PIK3AP1: variants seen among roughly 807,000 people sequenced by gnomAD.
PIK3AP1 encodes the protein phosphoinositide-3-kinase adaptor protein 1.
In PIK3AP1, 21 loss-of-function variants were observed where a neutral mutation model predicts 88.1. The ratio of observed to expected loss-of-function variants is 0.24; its 90% CI spans 0.17 to 0.34. PIK3AP1 has a LOEUF of 0.34. PIK3AP1 is among the 10% of genes least tolerant of loss of function. PIK3AP1 has a pLI of 1.00. For synonymous variants in PIK3AP1, 398 were observed against 400.0 expected, an observed-to-expected ratio of 1.00 and a Z score of 0.06; for missense variants, 828 against 1,035.7, an observed-to-expected ratio of 0.80 and a Z score of 2.75.
intron 1 of PIK3AP1, among the ~76,000 whole-genome samples, chr10:96,711,739 A>AATTTTTTTTT (rs1844439120): frequency 1.5e-5 from 1 of 66,426 alleles, no homozygotes; most frequent in African/African-American, 7.0e-5. Context: ...AGATTACCAA[A>AATTTTTTTTT]TTTTTTTTTT....
intron 6 of PIK3AP1, 22 bp downstream of exon 6, chr10:96,651,226 T>C (rs745339786): frequency 1.2e-6 from 2 of 1,614,204 alleles, no homozygotes; most frequent in Admixed American, 3.3e-5. Flanking sequence ...GTTGGTTTCC[T>C]GAGGTTTGAC....
intron 2 of PIK3AP1, among the ~76,000 whole-genome samples, chr10:96,689,467 G>A (rs893460517): frequency 2.6e-5 from 4 of 151,190 alleles, no homozygotes; most frequent in African/African-American, 9.7e-5. Context: ...CTACTCAGGA[G>A]GCCGAGGCAG....
chr10:96,620,272 C>A, intron 12 of PIK3AP1, 80 bp downstream of exon 12: 1 of 1,443,238 alleles, frequency 6.9e-7, no homozygotes, highest in Non-Finnish European at 9.6e-7. Flanking sequence ...CAGCAATACA[C>A]AAGACAGCCA....
In PIK3AP1 at chr10:96,630,778, GC is replaced by G. The variant is rs200998658; in HGVS notation, c.1376-2286del. Among the ~76,000 whole-genome samples the G allele has an allele frequency of 4.0e-3, 614 of 152,138 alleles. 5 individuals are homozygous for G. The highest frequency in any genetic ancestry group is 0.014 in the African/African-American group (589 of 41,490). ...GAATTGCTTGAGCCCAAGAGATCTG[GC>G]TGCAGTGAGTTAGGATCACGCCACC... On this transcript the variant is annotated intron_variant, in intron 8 of 16. Transcript: ENST00000339364.
intron 2 of PIK3AP1, among the ~76,000 whole-genome samples, chr10:96,698,777 T>C (rs542632425): frequency 2.4e-4 from 36 of 151,982 alleles, no homozygotes; most frequent in Non-Finnish European, 5.1e-4. Flanking sequence ...AAAGCAGTGT[T>C]ATACAACATT....
At position 96,672,983 on chromosome 10, in the gene PIK3AP1, A is replaced by G. The variant is rs985451321; in HGVS notation, c.431-16049T>C. Among the ~76,000 whole-genome samples, 5 of 152,380 alleles carry G rather than the reference A, an allele frequency of 3.3e-5. No homozygotes were observed. The East Asian group carries it at 7.7e-4, about 24-fold the overall frequency. ...AGATGGAAAAATAGAGGCATGGGCC[A>G]TGAACTGACCGGCCCTAGTTCATAA... On this transcript the variant is annotated intron_variant, in intron 2 of 16. Coordinates refer to ENST00000339364, the MANE Select transcript of PIK3AP1 (RefSeq NM_152309.3).
At chr10:96,652,142 G>C (rs2134234866) in intron 4 of PIK3AP1, among the ~76,000 whole-genome samples, 1 of 152,122 alleles carries the variant, frequency 6.6e-6, no homozygotes, top group Admixed American at 6.5e-5. Context: ...GGGTTTTGAG[G>C]GGGCAAGAGA....
intron 2 of PIK3AP1, among the ~76,000 whole-genome samples, chr10:96,703,811 T>C (rs556872581): frequency 3.3e-5 from 5 of 152,346 alleles, no homozygotes; most frequent in South Asian, 2.1e-4. Flanking sequence ...AGAAAACTTA[T>C]AATGGTATAT....
At chr10:96,644,635 T>C (rs1399971298) in intron 8 of PIK3AP1, among the ~76,000 whole-genome samples, 1 of 152,198 alleles carries the variant, frequency 6.6e-6, no homozygotes, top group Non-Finnish European at 1.5e-5. Context: ...CAAAGTTTGT[T>C]AGACAGTTTA....
chr10:96,704,918 C>T (rs1395994461), intron 2 of PIK3AP1, among the ~76,000 whole-genome samples: 3 of 152,002 alleles, frequency 2.0e-5, no homozygotes, highest in Non-Finnish European at 4.4e-5. Context: ...ATAAAATAAC[C>T]TCCTCTACTC....
intron 2 of PIK3AP1, among the ~76,000 whole-genome samples, chr10:96,688,641 ATAC>A (rs1253519170): frequency 6.6e-6 from 1 of 152,126 alleles, no homozygotes. Flanking sequence ...TCTACTAAAA[ATAC>A]AAACATTAGC....
intron 13 of PIK3AP1, among the ~76,000 whole-genome samples, chr10:96,610,297 T>C (rs563740620): frequency 1.3e-5 from 2 of 152,300 alleles, no homozygotes; most frequent in East Asian, 1.9e-4. Flanking sequence ...GGCTGCCCTA[T>C]GCACCAAGCA....
chr10:96,628,170 C>T (rs568083135), intron 9 of PIK3AP1, among the ~76,000 whole-genome samples: 1 of 152,206 alleles, frequency 6.6e-6, no homozygotes, highest in African/African-American at 2.4e-5. Flanking sequence ...ACTTGTTTAC[C>T]CAAACAAGTG....
chr10:96,706,289 G>T (rs1327339140), intron 2 of PIK3AP1, among the ~76,000 whole-genome samples: 1 of 152,168 alleles, frequency 6.6e-6, no homozygotes, highest in Non-Finnish European at 1.5e-5. Flanking sequence ...TGGGCAGCTG[G>T]TGTAGTAACG....
intron 8 of PIK3AP1, among the ~76,000 whole-genome samples, chr10:96,636,254 TA>T (rs199591235): frequency 6.6e-6 from 1 of 151,622 alleles, no homozygotes; most frequent in Non-Finnish European, 1.5e-5. Context: ...ATACAAAAAT[TA>T]AAAAAAATTA....
intron 1 of PIK3AP1, among the ~76,000 whole-genome samples, chr10:96,718,595 AG>A (rs1228334461): frequency 6.6e-6 from 1 of 152,210 alleles, no homozygotes; most frequent in African/African-American, 2.4e-5. Flanking sequence ...GCCCATAAAT[AG>A]CCCCAGGTTT....
chr10:96,703,782 G>A (rs1049582143), intron 2 of PIK3AP1, among the ~76,000 whole-genome samples: 4 of 152,128 alleles, frequency 2.6e-5, no homozygotes, highest in South Asian at 2.1e-4. Flanking sequence ...AAAGGTTCTC[G>A]GGAATTTGCC....
chr10:96,717,315 C>T (rs1023096784), intron 1 of PIK3AP1, among the ~76,000 whole-genome samples: 1 of 151,020 alleles, frequency 6.6e-6, no homozygotes, highest in Non-Finnish European at 1.5e-5. Context: ...TGCCAGAAAG[C>T]TTCTCAAACC....
chr10:96,603,450 T>C (rs1391152576), intron 15 of PIK3AP1, among the ~76,000 whole-genome samples: 2 of 152,188 alleles, frequency 1.3e-5, no homozygotes, highest in Non-Finnish European at 2.9e-5. Context: ...GGGCACCATC[T>C]AGTCAGCTGC....
Sources: allele counts gnomAD v4.1 joint callset (sites outside exome capture counted in the v4.1 genomes callset), GRCh38; gene constraint gnomAD v4.1.1; transcripts MANE v1.5; gene names NCBI Gene and HGNC (gene_info 2026-07-23, HGNC 2026-07-21).